Variants in FER1L5 observed in about 807,000 individuals in gnomAD.
The protein encoded by FER1L5 is fer-1-like protein 5.
A neutral mutation model predicts 279.9 loss-of-function variants in FER1L5; 187 were observed. The ratio of observed to expected loss-of-function variants is 0.67; its 90% CI spans 0.59 to 0.75. The LOEUF is 0.75. Among genes scored for constraint, FER1L5 ranks in the 30% least tolerant of loss-of-function variants. The pLI is 0.00. For missense variants in FER1L5, 2,091 were observed against 2,594.4 expected (o/e 0.81, Z 4.21); for synonymous variants, 921 against 989.7 (o/e 0.93, Z 1.30).
Position 96,670,155 on chromosome 2 carries a change from C to G in FER1L5, c.1399C>G (p.Arg467Gly). 3 of 1,551,600 alleles carry G rather than the reference C, an allele frequency of 1.9e-6. No homozygotes were observed. Among genetic ancestry groups the G allele is most frequent in the Non-Finnish European group, 2.6e-6 (3 of 1,146,980 alleles). The change falls in exon 18 of 53, where the codon CGA becomes GGA. Residue 467 changes from arginine (R) to glycine (G), a missense_variant. Physicochemically the swap from Arg to Gly is moderately radical, Grantham distance 125. Coordinates refer to ENST00000624922, the MANE Select transcript of FER1L5 (RefSeq NM_001293083.2). ...PDSVRDGLAY[R>G]GRVFLELITQ... ...CTCTGTTAGGGATGGTTTAGCTTAT[C>G]GAGGCCGAGTCTTCCTGGAGTTAAT...
At chr2:96,649,308 C>T (rs2075270190) in intron 4 of FER1L5, among the ~76,000 whole-genome samples, 1 of 152,054 alleles carries the variant, frequency 6.6e-6, no homozygotes, top group African/African-American at 2.4e-5. Context: ...CTGCTAGCAT[C>T]TGTGTTCTGG....
intron 8 of FER1L5, chr2:96,654,155 A>C (rs2075498096): frequency 6.3e-6 from 2 of 315,698 alleles, no homozygotes; most frequent in Non-Finnish European, 1.1e-5. Context: ...AACAACCAGG[A>C]GAGCATGTAA....
chr2:96,668,072 G>A (rs928297825), intron 14 of FER1L5, among the ~76,000 whole-genome samples: 1 of 151,660 alleles, frequency 6.6e-6, no homozygotes, highest in Non-Finnish European at 1.5e-5. Context: ...TGTTGCCCAG[G>A]CTGCTCAAGT....
At chr2:96,663,569 G>GA in intron 14 of FER1L5, 62 bp downstream of exon 14, 1 of 1,533,130 alleles carries the variant, frequency 6.5e-7, no homozygotes, top group Non-Finnish European at 8.8e-7. Context: ...GGGAAGTTTG[G>GA]ATGATTGTGT....
Position 96,668,952 on chromosome 2 carries a change from C to G in FER1L5, c.1251C>G (p.Thr417=). 5 of 1,551,662 alleles carry G rather than the reference C, an allele frequency of 3.2e-6. No individual in the cohort carries two copies. Among genetic ancestry groups the G allele is most frequent in the Non-Finnish European group, 4.4e-6 (5 of 1,146,992 alleles). ...ASLSLNQISS[T]GEEIEGVYSG... Reference sequence around the variant, plus strand: ...TGTCCCTCAACCAGATCTCGTCCACCGGAGAAGAGATAGAAGGCAAGCAAA... The same window carrying G: ...TGTCCCTCAACCAGATCTCGTCCACGGGAGAAGAGATAGAAGGCAAGCAAA... The change falls in exon 16 of 53, where the codon ACC becomes ACG. Residue 417 remains threonine (T), a synonymous_variant. Coordinates refer to ENST00000624922, the MANE Select transcript of FER1L5 (RefSeq NM_001293083.2).
rs371859428 is a variant in FER1L5 at position 96,665,758 on chromosome 2, A to G, written c.1140+2251A>G. Among the ~76,000 whole-genome samples, 39 of 151,934 alleles carry G rather than the reference A, an allele frequency of 2.6e-4. No individual in the cohort carries two copies. In the East Asian group the frequency reaches 6.4e-3, roughly 25 times the overall value. On this transcript the variant is annotated intron_variant, in intron 14 of 52. Coordinates refer to ENST00000624922, the MANE Select transcript of FER1L5 (RefSeq NM_001293083.2). ...CTACCACCAAGCCTGGCTAATTTTCATATTTTTAGTAGAGACGAGGTTTCA... is the reference window on the plus strand; with the variant it reads ...CTACCACCAAGCCTGGCTAATTTTCGTATTTTTAGTAGAGACGAGGTTTCA...
intron 7 of FER1L5, 49 bp from the exon 8 acceptor site, chr2:96,653,591 G>A: frequency 1.4e-6 from 2 of 1,379,718 alleles, no homozygotes; most frequent in Non-Finnish European, 2.0e-6. Flanking sequence ...GTGCTTGGGT[G>A]AAGTGGCGGA....
intron 9 of FER1L5, 114 bp downstream of exon 9, chr2:96,654,610 C>T (rs566206507): frequency 7.7e-6 from 3 of 391,282 alleles, no homozygotes; most frequent in Admixed American, 4.5e-5. Context: ...ACAGAAAGAT[C>T]CAGACTTGGC....
At chr2:96,659,506 T>C (rs536901223) in intron 9 of FER1L5, among the ~76,000 whole-genome samples, 1 of 53,574 alleles carries the variant, frequency 1.9e-5, no homozygotes, top group Non-Finnish European at 3.0e-5. Context: ...TCTTTCTTTC[T>C]TTCGAGACAG....
In FER1L5 at chr2:96,691,040, G is replaced by A. The variant is rs2077121284; in HGVS notation, c.2744-150G>A. ...GGGCCCAGGCCACTCAGGTGACACA[G>A]TGTAGCCACACTCTCCTTTCCACAC... On this transcript the variant is annotated intron_variant, in intron 27 of 52. Coordinates refer to ENST00000624922, the MANE Select transcript of FER1L5 (RefSeq NM_001293083.2). This position sits in a 1 kb window ranked among gnomAD's most constrained non-coding sequence, Gnocchi z 6.0. 12 of 1,058,888 alleles carry A rather than the reference G, an allele frequency of 1.1e-5. No individual in the cohort carries two copies. The highest frequency in any genetic ancestry group is 1.6e-5 in the Non-Finnish European group (12 of 756,270). The allele number at this position is 1,058,888 out of a possible 1,614,324, so 65.6% of individuals were successfully genotyped here.
At position 96,702,590 on chromosome 2, in the gene FER1L5, C is replaced by G; in HGVS notation, c.5256-10C>G. The G allele has an allele frequency of 6.4e-7, 1 of 1,562,004 alleles. No individual in the cohort carries two copies. The highest frequency in any genetic ancestry group is 8.7e-7 in the Non-Finnish European group (1 of 1,153,316). ...CACATGAGCCACAGGTGATAGGACT[C>G]TGGCCCCAGGTGGTTATACGGGCTG... On this transcript the variant is annotated splice_polypyrimidine_tract_variant and intron_variant, in intron 47 of 52. Transcript: ENST00000624922. This position sits in a 1 kb window ranked among gnomAD's most constrained non-coding sequence, Gnocchi z 4.0.
intron 20 of FER1L5, among the ~76,000 whole-genome samples, chr2:96,684,742 A>T (rs1431270835): frequency 6.6e-6 from 1 of 152,148 alleles, no homozygotes; most frequent in Non-Finnish European, 1.5e-5. Context: ...AGGGTCAGAG[A>T]GAGAAGATGG....
chr2:96,685,846 C>G (rs995465538), intron 21 of FER1L5, 94 bp from the exon 22 acceptor site: 1 of 1,415,380 alleles, frequency 7.1e-7, no homozygotes, highest in African/African-American at 1.4e-5. Context: ...GATCTTGAGG[C>G]CAGGAGGGGC....
chr2:96,702,170 A>G lies in FER1L5; in HGVS notation c.5159+127A>G. On this transcript the variant is annotated intron_variant, in intron 46 of 52. Transcript: ENST00000624922. The surrounding 1 kb of genome is among the most constrained non-coding windows in gnomAD (Gnocchi z 4.0). ...CTCTATTGGGAAGAGAGGAAGCTCT[A>G]CTGGGAGCTTTCTTCCCCTGAATTC... The G allele has an allele frequency of 2.6e-6, 4 of 1,562,598 alleles. No individual in the cohort carries two copies. Among genetic ancestry groups the G allele is most frequent in the Non-Finnish European group, 3.5e-6 (4 of 1,150,408 alleles).
At chr2:96,673,305 C>G in intron 19 of FER1L5, 51 bp downstream of exon 19, 2 of 1,506,478 alleles carry the variant, frequency 1.3e-6, no homozygotes, top group Non-Finnish European at 1.8e-6. Context: ...GCATGCCAGG[C>G]CCTGTGCTAG....
intron 42 of FER1L5, 115 bp from the exon 43 acceptor site, chr2:96,699,435 C>A: frequency 4.9e-6 from 6 of 1,221,342 alleles, no homozygotes; most frequent in Non-Finnish European, 6.9e-6. Flanking sequence ...CCATGCTCTG[C>A]TCTCCACAAT....
rs1484715803 is a variant in FER1L5 at position 96,698,465 on chromosome 2, G to A, written c.4357-206G>A. ...GACGGGGAACTCACCTACTGACTGCGGTTCCTTTGCCAACACCCTGTTTCA... is the reference window on the plus strand; with the variant it reads ...GACGGGGAACTCACCTACTGACTGCAGTTCCTTTGCCAACACCCTGTTTCA... On this transcript the variant is annotated intron_variant, in intron 40 of 52. Transcript: ENST00000624922. The surrounding 1 kb of genome is among the most constrained non-coding windows in gnomAD (Gnocchi z 5.5). Among the ~76,000 whole-genome samples the A allele has an allele frequency of 6.6e-6, 1 of 152,100 alleles. No individual in the cohort carries two copies. Among genetic ancestry groups the A allele is most frequent in the Non-Finnish European group, 1.5e-5 (1 of 68,000 alleles).
chr2:96,691,469 G>T lies in FER1L5; in HGVS notation c.2932G>T (p.Gly978Cys). The T allele has an allele frequency of 6.5e-7, 1 of 1,546,630 alleles. No homozygotes were observed. Among genetic ancestry groups the T allele is most frequent in the Non-Finnish European group, 8.7e-7 (1 of 1,144,626 alleles). ...QLGLAKGEEE[G>C]WEYDTFGSKF... is the part of the protein sequence containing the mutation. ...GGGCCTGGCCAAGGGCGAGGAGGAG[G>T]GCTGGGAGTATGACACCTTCGGCTC... Residue 978 changes from glycine to cysteine, a missense_variant, in exon 29 of 53, where the codon GGC (glycine) becomes TGC (cysteine). Transcript: ENST00000624922. The surrounding 1 kb of genome is among the most constrained non-coding windows in gnomAD (Gnocchi z 6.0).
chr2:96,659,510 G>A lies in FER1L5; in HGVS notation c.748-831G>A, dbSNP rs1043708069. On this transcript the variant is annotated intron_variant, in intron 9 of 52. Coordinates refer to ENST00000624922, the MANE Select transcript of FER1L5 (RefSeq NM_001293083.2). ...CTTTCTTTCTTTCTTTCTTTCTTTC[G>A]AGACAGAGTCTCGCTCTGTCGCCCA... 1.5e-3 allele frequency among the ~76,000 whole-genome samples: 21 copies of A among 14,330 alleles called. 4 individuals carry two copies. The highest frequency in any genetic ancestry group is 3.0e-3 in the East Asian group (1 of 328). The allele number at this position is 14,330 out of a possible 152,430, so 9.4% of individuals were successfully genotyped here.
Sources: allele counts gnomAD v4.1 joint callset (sites outside exome capture counted in the v4.1 genomes callset), GRCh38; gene constraint gnomAD v4.1.1; non-coding constraint Gnocchi (gnomAD v3.1); transcripts MANE v1.5; gene names NCBI Gene and HGNC (gene_info 2026-07-23, HGNC 2026-07-21).